Variants in DDAH1 observed in about 807,000 individuals in gnomAD.
The protein encoded by DDAH1 is N(G),N(G)-dimethylarginine dimethylaminohydrolase 1.
Under a neutral mutation model 28.8 loss-of-function variants are expected in DDAH1, and 19 were observed. The ratio of observed to expected loss-of-function variants is 0.66; its 90% CI spans 0.46 to 0.97. The LOEUF (loss-of-function observed/expected upper bound fraction) is 0.97, where lower values mean the gene tolerates loss of function less well. Among genes scored for constraint, DDAH1 ranks in the 50% least tolerant of loss-of-function variants. The pLI is 0.00. For missense variants in DDAH1, 326 were observed against 375.9 expected (o/e 0.87, Z 1.10); for synonymous variants, 153 against 154.4 (o/e 0.99, Z 0.07).
At chr1:85,576,861 G>C (rs1276300640) in intron 1 of DDAH1, 1 of 152,830 alleles carries the variant, frequency 6.5e-6, no homozygotes, top group Non-Finnish European at 1.5e-5. Context: ...AACGCTCCGG[G>C]GTCCCGCGCG....
intron 4 of DDAH1, among the ~76,000 whole-genome samples, chr1:85,339,509 A>C (rs955771333): frequency 2.0e-5 from 3 of 152,246 alleles, no homozygotes; most frequent in Non-Finnish European, 4.4e-5. Context: ...ATTTTGAAAG[A>C]TGAAAACAAG....
At chr1:85,377,231 C>A (rs1322732720) in intron 1 of DDAH1, among the ~76,000 whole-genome samples, 4 of 151,996 alleles carry the variant, frequency 2.6e-5, no homozygotes, top group Non-Finnish European at 5.9e-5. Context: ...TCCTGATAAA[C>A]TAAAAATGGT....
At chr1:85,545,194 G>A (rs1270848405) in intron 1 of DDAH1, among the ~76,000 whole-genome samples, 2 of 152,130 alleles carry the variant, frequency 1.3e-5, no homozygotes, top group Non-Finnish European at 2.9e-5. Context: ...GCCTTTCTAA[G>A]GCAGAGGGAA....
intron 1 of DDAH1, among the ~76,000 whole-genome samples, chr1:85,375,058 G>A (rs1650587161): frequency 8.7e-6 from 1 of 114,724 alleles, no homozygotes; most frequent in Non-Finnish European, 1.8e-5. Flanking sequence ...AAAATTTGAG[G>A]ATAAAAAGCT....
intron 1 of DDAH1, among the ~76,000 whole-genome samples, chr1:85,551,628 T>G (rs1658794968): frequency 6.6e-6 from 1 of 152,226 alleles, no homozygotes; most frequent in Admixed American, 6.5e-5. Context: ...AGGAGCTTTC[T>G]GCTCCTTCAA....
chr1:85,569,597 C>T (rs1659394634), intron 1 of DDAH1, among the ~76,000 whole-genome samples: 1 of 152,192 alleles, frequency 6.6e-6, no homozygotes, highest in African/African-American at 2.4e-5. Flanking sequence ...CCAACCCCAT[C>T]TTCGTCCTCC....
intron 1 of DDAH1, among the ~76,000 whole-genome samples, chr1:85,363,010 A>C (rs888262340): frequency 1.3e-5 from 2 of 152,216 alleles, no homozygotes; most frequent in Admixed American, 1.3e-4. Flanking sequence ...ATAAAGCCTT[A>C]TATAGTTTTA....
intron 1 of DDAH1, among the ~76,000 whole-genome samples, chr1:85,429,046 G>C (rs926553557): frequency 1.3e-5 from 2 of 151,872 alleles, no homozygotes; most frequent in Admixed American, 6.6e-5. Flanking sequence ...TTTAAGTTCT[G>C]GGATACATGT....
At chr1:85,329,031 A>C (rs1430534720) in intron 4 of DDAH1, among the ~76,000 whole-genome samples, 1 of 152,254 alleles carries the variant, frequency 6.6e-6, no homozygotes, top group Admixed American at 6.5e-5. Context: ...AAACATGGCA[A>C]GACTACATCT....
At chr1:85,332,137 G>C (rs1471599637) in intron 4 of DDAH1, among the ~76,000 whole-genome samples, 1 of 152,188 alleles carries the variant, frequency 6.6e-6, no homozygotes, top group African/African-American at 2.4e-5. Context: ...TACCCACTTA[G>C]TTCTGGACAG....
At chr1:85,423,470 T>G (rs2100618490) in intron 1 of DDAH1, among the ~76,000 whole-genome samples, 1 of 152,284 alleles carries the variant, frequency 6.6e-6, no homozygotes, top group East Asian at 1.9e-4. Flanking sequence ...TTTGTCAGAT[T>G]TATATGTAGG....
intron 1 of DDAH1, among the ~76,000 whole-genome samples, chr1:85,365,274 GGTA>G (rs1650014937): frequency 6.6e-6 from 1 of 152,062 alleles, no homozygotes; most frequent in African/African-American, 2.4e-5. Context: ...AACAAATTTA[GGTA>G]TCTACAATGA....
intron 1 of DDAH1, among the ~76,000 whole-genome samples, chr1:85,508,511 C>T (rs1025359040): frequency 9.9e-5 from 15 of 152,152 alleles, no homozygotes; most frequent in African/African-American, 2.2e-4. Flanking sequence ...TGAAGCAGGG[C>T]GGGGTGTTGC....
At chr1:85,486,075 C>G (rs1034883338) in intron 2 of DDAH1, among the ~76,000 whole-genome samples, 5 of 152,180 alleles carry the variant, frequency 3.3e-5, no homozygotes, top group African/African-American at 1.2e-4. Context: ...GTTTGCCCTG[C>G]TGTCACTCTT....
At chr1:85,567,350 T>C (rs1015440687) in intron 1 of DDAH1, among the ~76,000 whole-genome samples, 1 of 152,188 alleles carries the variant, frequency 6.6e-6, no homozygotes, top group Non-Finnish European at 1.5e-5. Context: ...TGAGAGATGA[T>C]TGAATCATGG....
intron 1 of DDAH1, among the ~76,000 whole-genome samples, chr1:85,446,317 G>T (rs1467140182): frequency 5.3e-5 from 8 of 152,140 alleles, no homozygotes; most frequent in Non-Finnish European, 1.2e-4. Context: ...AGGGGGAAGA[G>T]CCCCTTATAA....
intron 1 of DDAH1, among the ~76,000 whole-genome samples, chr1:85,409,606 T>G (rs1652555036): frequency 6.6e-6 from 1 of 152,102 alleles, no homozygotes; most frequent in Non-Finnish European, 1.5e-5. Flanking sequence ...ATCTCCTGCT[T>G]GTTGCTCTAC....
chr1:85,576,954 A>AGCCGCCGCC (rs1159428292), intron 1 of DDAH1: 1 of 142,952 alleles, frequency 7.0e-6, no homozygotes, highest in African/African-American at 2.6e-5. Context: ...GTCGCAGGAC[A>AGCCGCCGCC]GCCGCCGCCG....
At chr1:85,475,790 G>C (rs1010080204) in intron 2 of DDAH1, among the ~76,000 whole-genome samples, 1 of 152,090 alleles carries the variant, frequency 6.6e-6, no homozygotes, top group African/African-American at 2.4e-5. Context: ...AAGCCTCACT[G>C]TCCCTATTAC....
Sources: gnomAD v4.1 joint callset for allele counts (sites outside exome capture counted in the v4.1 genomes callset) on GRCh38, gnomAD v4.1.1 for gene constraint, MANE v1.5 for transcripts, NCBI Gene and HGNC (gene_info 2026-07-23, HGNC 2026-07-21) for gene names.